LACTB2: variants seen among roughly 807,000 people sequenced by gnomAD.
LACTB2 encodes endoribonuclease LACTB2.
A neutral mutation model predicts 34.8 loss-of-function variants in LACTB2; 32 were observed. That is an observed-to-expected ratio of 0.92 (90% CI 0.69 to 1.24). The LOEUF (loss-of-function observed/expected upper bound fraction) is 1.24, where lower values mean the gene tolerates loss of function less well. Ranked by LOEUF, LACTB2 falls within the 50% of genes most tolerant of loss-of-function variation. The pLI is 0.00. For missense variants in LACTB2, 320 were observed against 345.0 expected, an observed-to-expected ratio of 0.93 and a Z score of 0.57; for synonymous variants, 120 against 117.5, an observed-to-expected ratio of 1.02 and a Z score of -0.14.
At chr8:70,668,491 T>G (rs1241207483) in intron 1 of LACTB2, among the ~76,000 whole-genome samples, 1 of 152,218 alleles carries the variant, frequency 6.6e-6, no homozygotes. Flanking sequence ...GCTCCTCTTA[T>G]GAGCCCACAG....
rs542142587 is a variant in LACTB2 at position 70,644,716 on chromosome 8, G to A, written c.414-473C>T. ...GCTGGTCTTGAACTCTTAGACTCAA[G>A]CAATCCTACCACCTCGGCCTCCCAA... is the stretch of plus-strand genomic sequence containing the variant. On this transcript the variant is annotated intron_variant, in intron 3 of 6. Coordinates refer to ENST00000276590, the MANE Select transcript of LACTB2 (RefSeq NM_016027.3). Among the ~76,000 whole-genome samples the A allele has an allele frequency of 6.0e-4, 91 of 152,214 alleles. 1 individual carries two copies. Among genetic ancestry groups the A allele is most frequent in the South Asian group, 5.0e-3 (24 of 4,826 alleles).
rs1354919896 is a variant in LACTB2 at position 70,657,759 on chromosome 8, A to T, written c.410T>A (p.Leu137Gln). 9.3e-6 allele frequency: 15 copies of T among 1,611,360 alleles called. No homozygotes were observed. Among genetic ancestry groups the T allele is most frequent in the Non-Finnish European group, 1.3e-5 (15 of 1,178,520 alleles). The stretch of plus-strand genomic sequence containing the variant: ...TGGCTAAGGGACATTTACTTACCTT[A>T]GAGTGGCTCCCTCAGTCTTAATCAC... ...GDVIKTEGAT[L>Q]RVLYTPGHTD... is the part of the protein sequence containing the mutation. Residue 137 changes from leucine (L) to glutamine (Q), a missense_variant, in exon 3 of 7, where the codon CTA becomes CAA. By Grantham distance (113) the Leu-to-Gln change is moderately radical. Coordinates refer to ENST00000276590, the MANE Select transcript of LACTB2 (RefSeq NM_016027.3).
At chr8:70,654,096 A>G (rs1009411805) in intron 3 of LACTB2, 2 of 152,216 alleles carry the variant, frequency 1.3e-5, no homozygotes, top group African/African-American at 2.4e-5. Flanking sequence ...CAAAACCACA[A>G]TACAACTTAG....
rs1240019784 is a variant in LACTB2 at position 70,644,193 on chromosome 8, T to C, written c.464A>G (p.Glu155Gly). 4 of 1,612,860 alleles carry C rather than the reference T, an allele frequency of 2.5e-6. No homozygotes were observed. Among genetic ancestry groups the C allele is most frequent in the Non-Finnish European group, 3.4e-6 (4 of 1,179,438 alleles). ...TCCAGAAAAGATAGCATTTTCCTCT[T>C]CTAAGAGTAGAGCCATGTGATCATC... The part of the protein sequence containing the change: ...HTDDHMALLL[E>G]EENAIFSGDC... Residue 155 changes from glutamate (E) to glycine (G), a missense_variant, in exon 4 of 7, where the codon GAA becomes GGA. Transcript: ENST00000276590.
Position 70,661,894 on chromosome 8 carries a change from T to G in LACTB2, c.126A>C (p.Arg42Ser). The G allele has an allele frequency of 6.3e-7, 1 of 1,599,506 alleles. No individual in the cohort carries two copies. The highest frequency in any genetic ancestry group is 8.5e-7 in the Non-Finnish European group (1 of 1,173,948). ...NTYLVGTGPR[R>S]ILIDTGEPAI... The stretch of plus-strand genomic sequence containing the variant: ...CTGGTTCTCCAGTGTCAATGAGGAT[T>G]CTCCTGAAAATTAAATGGAAGATAA... The change falls in exon 2 of 7, where the codon AGA becomes AGC. Residue 42 changes from arginine (R) to serine (S), a missense_variant. Transcript: ENST00000276590.
At chr8:70,667,683 A>G (rs556987248) in intron 1 of LACTB2, among the ~76,000 whole-genome samples, 2 of 152,352 alleles carry the variant, frequency 1.3e-5, no homozygotes, top group African/African-American at 4.8e-5. Context: ...TTCATACAAT[A>G]TAGCCCCTCA....
intron 6 of LACTB2, 144 bp downstream of exon 6, chr8:70,638,404 A>G: frequency 1.2e-6 from 1 of 835,754 alleles, no homozygotes; most frequent in Non-Finnish European, 1.7e-6. Context: ...TGTGCTACTG[A>G]CCTTCCTAGC....
chr8:70,653,240 A>C (rs1818367572), intron 3 of LACTB2, among the ~76,000 whole-genome samples: 1 of 152,154 alleles, frequency 6.6e-6, no homozygotes, highest in African/African-American at 2.4e-5. Flanking sequence ...CCTCCCAAGT[A>C]GCTGGGACCA....
chr8:70,646,794 C>G (rs1563403915), intron 3 of LACTB2: 2 of 152,204 alleles, frequency 1.3e-5, no homozygotes, highest in Non-Finnish European at 2.9e-5. Flanking sequence ...AATATACAGA[C>G]TTAATTCTCT....
At chr8:70,639,754 G>C (rs537898302) in intron 5 of LACTB2, among the ~76,000 whole-genome samples, 17 of 151,716 alleles carry the variant, frequency 1.1e-4, no homozygotes, top group Non-Finnish European at 2.4e-4. Flanking sequence ...CCTGAGGTCG[G>C]GAGTTCGAGA....
At chr8:70,655,994 CTTCTT>C (rs1483897997) in intron 3 of LACTB2, among the ~76,000 whole-genome samples, 1 of 152,086 alleles carries the variant, frequency 6.6e-6, no homozygotes, top group Admixed American at 6.6e-5. Context: ...ATTTGCATAT[CTTCTT>C]TTGAGAACTG....
At chr8:70,665,578 G>A (rs1049875351) in intron 1 of LACTB2, among the ~76,000 whole-genome samples, 1 of 152,148 alleles carries the variant, frequency 6.6e-6, no homozygotes. Context: ...TGTTTTCCAC[G>A]TGCTAGAACT....
intron 4 of LACTB2, among the ~76,000 whole-genome samples, chr8:70,643,479 T>A (rs1249761682): frequency 3.3e-5 from 5 of 151,352 alleles, no homozygotes; most frequent in Non-Finnish European, 7.4e-5. Flanking sequence ...CACCTAGGCC[T>A]CTCAAAGAGG....
chr8:70,661,614 T>C lies in LACTB2; in HGVS notation c.286+120A>G, dbSNP rs1818481572. Reference sequence around the variant, plus strand: ...CAACAGTCTAATCAATTTCTAAAAGTACCATTTAAAACTGAGGTATTTAGT... The same window carrying C: ...CAACAGTCTAATCAATTTCTAAAAGCACCATTTAAAACTGAGGTATTTAGT... On this transcript the variant is annotated intron_variant, in intron 2 of 6. Transcript: ENST00000276590. The C allele has an allele frequency of 2.9e-5, 23 of 803,378 alleles. 1 individual carries two copies. In the South Asian group the frequency reaches 4.3e-4, roughly 15 times the overall value. The allele number at this position is 803,378 out of a possible 1,614,324, so 49.8% of individuals were successfully genotyped here.
rs570956038 is a variant in LACTB2, at chr8:70,645,669, G to A, written c.414-1426C>T. ...CTCCCCCCACCCCACAATAGGCCCC[G>A]GTGTGTGATGTTCCCCTTCCTGTGT... On this transcript the variant is annotated intron_variant, in intron 3 of 6. Coordinates refer to ENST00000276590, the MANE Select transcript of LACTB2 (RefSeq NM_016027.3). 1.0e-3 allele frequency among the ~76,000 whole-genome samples: 116 copies of A among 110,740 alleles called. 1 individual carries two copies. Among genetic ancestry groups the A allele is most frequent in the Non-Finnish European group, 1.7e-3 (101 of 57,964 alleles). The allele number at this position is 110,740 out of a possible 152,430, so 72.6% of individuals were successfully genotyped here.
At chr8:70,645,547 A>G (rs910119294) in intron 3 of LACTB2, among the ~76,000 whole-genome samples, 1 of 151,834 alleles carries the variant, frequency 6.6e-6, no homozygotes, top group Non-Finnish European at 1.5e-5. Context: ...CACAACGTGC[A>G]GGTTAGTTAC....
intron 3 of LACTB2, among the ~76,000 whole-genome samples, chr8:70,656,942 C>G (rs1818419111): frequency 6.6e-6 from 1 of 152,034 alleles, no homozygotes; most frequent in Non-Finnish European, 1.5e-5. Context: ...AATCCTGAAG[C>G]CTCTGTCTTA....
In LACTB2 at chr8:70,640,896, A is replaced by G. The variant is rs1006888806; in HGVS notation, c.741+6T>C. On this transcript the variant is annotated splice_donor_region_variant and intron_variant, in intron 5 of 6. Coordinates refer to ENST00000276590, the MANE Select transcript of LACTB2 (RefSeq NM_016027.3). ...GCTACATACAAATAAGAAAACTGAA[A>G]ATTACCTTGTAAATAATTTTTACAA... 1.9e-6 allele frequency: 3 copies of G among 1,570,576 alleles called. No homozygotes were observed. The African/African-American group carries it at 4.1e-5, about 22-fold the overall frequency.
At chr8:70,655,270 A>AGT (rs1818396207) in intron 3 of LACTB2, among the ~76,000 whole-genome samples, 1 of 149,190 alleles carries the variant, frequency 6.7e-6, no homozygotes. Context: ...CCCAGGCTGG[A>AGT]GTGCAGTGGC....
Sources: gnomAD v4.1 joint callset for allele counts (sites outside exome capture counted in the v4.1 genomes callset) on GRCh38, gnomAD v4.1.1 for gene constraint, MANE v1.5 for transcripts, NCBI Gene and HGNC (gene_info 2026-07-23, HGNC 2026-07-21) for gene names.